Variants in RANBP17 observed in about 807,000 individuals in gnomAD.
RANBP17 encodes the protein ran-binding protein 17.
RANBP17 carries 158 observed loss-of-function variants against 141.2 expected under a neutral mutation model. That is an observed-to-expected ratio of 1.12 (90% confidence interval 0.98 to 1.28). The LOEUF is 1.28. Ranked by LOEUF, RANBP17 falls within the 50% of genes most tolerant of loss-of-function variation. The probability of loss-of-function intolerance (pLI) is 0.00; values close to 1 mark genes in which losing one functional copy is unlikely to be tolerated. For missense variants in RANBP17, 1,438 were observed against 1,290.7 expected (o/e 1.11, Z -1.75); for synonymous variants, 430 against 450.0 (o/e 0.96, Z 0.56).
At chr5:170,990,911 T>C (rs1015894847) in intron 14 of RANBP17, among the ~76,000 whole-genome samples, 13 of 151,910 alleles carry the variant, frequency 8.6e-5, no homozygotes, top group African/African-American at 2.9e-4. Context: ...ATTAAAGGCA[T>C]TGTCGGGGTG....
chr5:171,020,936 C>T (rs1055816540), intron 14 of RANBP17, among the ~76,000 whole-genome samples: 2 of 152,120 alleles, frequency 1.3e-5, no homozygotes, highest in African/African-American at 4.8e-5. Context: ...ATATTTAGTG[C>T]TTCCTTCAAG....
At chr5:171,205,460 T>G in intron 19 of RANBP17, 64 bp from the exon 20 acceptor site, 1 of 1,326,426 alleles carries the variant, frequency 7.5e-7, no homozygotes, top group Non-Finnish European at 1.1e-6. Flanking sequence ...TATTGCCTGA[T>G]TATTACTCCA....
chr5:170,923,748 A>G (rs1432871285), intron 11 of RANBP17, among the ~76,000 whole-genome samples: 1 of 152,098 alleles, frequency 6.6e-6, no homozygotes, highest in Admixed American at 6.6e-5. Context: ...TATGTTTCCT[A>G]CTGCCTTTGT....
intron 14 of RANBP17, among the ~76,000 whole-genome samples, chr5:171,089,794 G>A (rs1013070938): frequency 5.9e-5 from 9 of 152,202 alleles, no homozygotes; most frequent in African/African-American, 1.9e-4. Flanking sequence ...CCCAGGTGAG[G>A]CAATGCCTCG....
intron 19 of RANBP17, among the ~76,000 whole-genome samples, chr5:171,200,141 C>T (rs914625836): frequency 6.6e-6 from 1 of 152,148 alleles, no homozygotes; most frequent in African/African-American, 2.4e-5. Flanking sequence ...CAAACATACA[C>T]ATACTAAAAC....
rs541430807 is a variant in RANBP17 at position 171,242,763 on chromosome 5, G to A, written c.2719G>A (p.Glu907Lys). ...QDHMSFIINL[E>K]PPVLMYVLTS... ...CCATATGAGCTTCATCATCAACTTA[G>A]AGCCTCCTGTACTCATGTATGTTCT... Residue 907 changes from glutamate (E) to lysine (K), a missense_variant, in exon 24 of 28, where the codon GAG becomes AAG. Physicochemically the swap from Glu to Lys is moderately conservative, Grantham distance 56. Coordinates refer to ENST00000523189, the MANE Select transcript of RANBP17 (RefSeq NM_022897.5). 10 of 1,613,640 alleles carry A rather than the reference G, an allele frequency of 6.2e-6. No individual in the cohort carries two copies. The East Asian group carries it at 2.0e-4, about 32-fold the overall frequency.
chr5:171,255,513 C>G (rs995757455), intron 24 of RANBP17, among the ~76,000 whole-genome samples: 5 of 151,288 alleles, frequency 3.3e-5, no homozygotes, highest in African/African-American at 1.2e-4. Flanking sequence ...TCCTGGTAGT[C>G]ACATACCTTG....
At chr5:171,024,993 C>T (rs1356808476) in intron 14 of RANBP17, among the ~76,000 whole-genome samples, 1 of 152,150 alleles carries the variant, frequency 6.6e-6, no homozygotes, top group African/African-American at 2.4e-5. Context: ...GAAAAAGCTG[C>T]TTTACCTTTA....
intron 14 of RANBP17, among the ~76,000 whole-genome samples, chr5:171,104,757 A>T (rs1215994911): frequency 6.6e-6 from 1 of 152,230 alleles, no homozygotes; most frequent in Non-Finnish European, 1.5e-5. Context: ...TACTTACCTT[A>T]TAGGTCTAAT....
intron 14 of RANBP17, among the ~76,000 whole-genome samples, chr5:171,058,392 A>G (rs1049096881): frequency 4.2e-5 from 6 of 141,322 alleles, no homozygotes; most frequent in Non-Finnish European, 4.5e-5. Flanking sequence ...ATTCCCGCCC[A>G]TGAGTGAGAA....
chr5:170,980,010 G>T (rs1777649192), intron 14 of RANBP17, among the ~76,000 whole-genome samples: 1 of 152,200 alleles, frequency 6.6e-6, no homozygotes, highest in South Asian at 2.1e-4. Context: ...TATATGGACA[G>T]TGAAATCCAG....
chr5:171,007,043 C>T (rs917516537), intron 14 of RANBP17, among the ~76,000 whole-genome samples: 3 of 151,862 alleles, frequency 2.0e-5, no homozygotes, highest in South Asian at 2.1e-4. Flanking sequence ...CTCATGAAGC[C>T]GGTGGTTATC....
At chr5:171,021,336 A>G (rs1360834337) in intron 14 of RANBP17, among the ~76,000 whole-genome samples, 2 of 151,926 alleles carry the variant, frequency 1.3e-5, no homozygotes, top group African/African-American at 4.8e-5. Context: ...AGATTGGGGG[A>G]GTTCTCCTGG....
chr5:171,063,136 G>A (rs183872639), intron 14 of RANBP17, among the ~76,000 whole-genome samples: 36 of 152,140 alleles, frequency 2.4e-4, no homozygotes, highest in Middle Eastern at 3.4e-3. Context: ...TAGTTTGATC[G>A]TCTGAAGCCT....
At chr5:171,063,657 A>G (rs1043587822) in intron 14 of RANBP17, among the ~76,000 whole-genome samples, 4 of 152,162 alleles carry the variant, frequency 2.6e-5, no homozygotes, top group Admixed American at 6.5e-5. Flanking sequence ...TCAGATCTCA[A>G]ACTGCATGCT....
At position 170,892,508 on chromosome 5, in the gene RANBP17, A is replaced by G. The variant is rs745372789; in HGVS notation, c.378A>G (p.Gln126=). ...KLGWFEVQKD[Q]FVFREIIADV... is the part of the protein sequence containing the mutation. Reference sequence around the variant, plus strand: ...GGTGGTTTGAGGTTCAGAAAGACCAATTTGTCTTCAGAGAAATTATTGCTG... The same window carrying G: ...GGTGGTTTGAGGTTCAGAAAGACCAGTTTGTCTTCAGAGAAATTATTGCTG... Residue 126 remains glutamine (Q), a synonymous_variant, in exon 4 of 28, where the codon CAA becomes CAG. Transcript: ENST00000523189. 51 of 1,613,902 alleles carry G rather than the reference A, an allele frequency of 3.2e-5. No homozygotes were observed. Among genetic ancestry groups the G allele is most frequent in the Non-Finnish European group, 3.7e-5 (44 of 1,179,956 alleles).
At chr5:171,055,880 CAAAAAAAAAAAAAAAACA>C (rs1399081480) in intron 14 of RANBP17, among the ~76,000 whole-genome samples, 2 of 25,098 alleles carry the variant, frequency 8.0e-5, no homozygotes, top group Admixed American at 4.9e-4. Flanking sequence ...GTCCTGTTGC[CAAAAAAAAAAAAAAAACA>C]AAAAAAAAAA....
intron 14 of RANBP17, among the ~76,000 whole-genome samples, chr5:171,098,389 A>G (rs245767): frequency 0.73 from 111,012 of 152,114 alleles, 40,690 homozygotes; most frequent in South Asian, 0.91. Flanking sequence ...AATGACCAGC[A>G]ATGATGAGCT....
At chr5:170,922,121 A>T (rs1375846644) in intron 11 of RANBP17, among the ~76,000 whole-genome samples, 1 of 151,726 alleles carries the variant, frequency 6.6e-6, no homozygotes, top group Non-Finnish European at 1.5e-5. Context: ...CCGGAGGTCC[A>T]CTCCAGACCC....
Sources: gnomAD v4.1 joint callset for allele counts (sites outside exome capture counted in the v4.1 genomes callset) on GRCh38, gnomAD v4.1.1 for gene constraint, MANE v1.5 for transcripts, NCBI Gene and HGNC (gene_info 2026-07-23, HGNC 2026-07-21) for gene names.